Variants in FIG4 observed in about 807,000 individuals in gnomAD.
The protein encoded by FIG4 is polyphosphoinositide phosphatase.
Under a neutral mutation model 118.6 loss-of-function variants are expected in FIG4, and 112 were observed. The ratio of observed to expected loss-of-function variants is 0.94; its 90% CI spans 0.81 to 1.11. The LOEUF (loss-of-function observed/expected upper bound fraction) is 1.11. Ranked by LOEUF, FIG4 falls within the 50% of genes least tolerant of loss-of-function variation. FIG4 has a pLI of 0.00. For synonymous variants in FIG4, 369 were observed against 381.2 expected, an observed-to-expected ratio of 0.97 and a Z score of 0.37; for missense variants, 969 against 1,111.7, an observed-to-expected ratio of 0.87 and a Z score of 1.83.
chr6:109,795,864 G>A (rs1778272707), intron 21 of FIG4, among the ~76,000 whole-genome samples: 1 of 152,126 alleles, frequency 6.6e-6, no homozygotes, highest in Admixed American at 6.5e-5. Flanking sequence ...GCCTCCCAAA[G>A]TGCTGGGATT....
intron 5 of FIG4, among the ~76,000 whole-genome samples, chr6:109,733,085 A>C (rs1776055928): frequency 1.3e-5 from 2 of 152,174 alleles, no homozygotes; most frequent in African/African-American, 4.8e-5. Context: ...AATAGGAAGA[A>C]CTGTTGCAAT....
Position 109,786,158 on chromosome 6 carries a change from T to C in FIG4, c.1949-144T>C. 7.6e-6 allele frequency: 5 copies of C among 661,550 alleles called. No individual in the cohort carries two copies. The South Asian group carries it at 8.9e-5, about 12-fold the overall frequency. The allele number at this position is 661,550 out of a possible 1,614,324, so 41.0% of individuals were successfully genotyped here. A position where few individuals can be genotyped will look rare whatever the true frequency, so the allele number is the denominator to read the frequency against. The stretch of plus-strand genomic sequence containing the variant: ...CATCTCCTTTCTAACTGTGTAAGTG[T>C]TGGAGGCAGGAGCTTACCCTCGGTC... On this transcript the variant is annotated intron_variant, in intron 17 of 22. Coordinates refer to ENST00000230124, the MANE Select transcript of FIG4 (RefSeq NM_014845.6).
intron 3 of FIG4, among the ~76,000 whole-genome samples, chr6:109,720,623 C>T (rs1172542704): frequency 6.6e-6 from 1 of 152,200 alleles, no homozygotes; most frequent in Non-Finnish European, 1.5e-5. Context: ...AGTCTATGCC[C>T]TGTGTGAGGG....
chr6:109,717,588 A>G (rs531530596), intron 3 of FIG4, among the ~76,000 whole-genome samples: 43 of 152,326 alleles, frequency 2.8e-4, no homozygotes, highest in Admixed American at 6.5e-4. Flanking sequence ...GTCACAGAAG[A>G]GGTAAATTAC....
chr6:109,749,055 C>CTGTGTGTGTGTGTGTGTGTG (rs113357544), intron 10 of FIG4, among the ~76,000 whole-genome samples: 33 of 132,482 alleles, frequency 2.5e-4, no homozygotes, highest in South Asian at 1.4e-3. Context: ...CAAAGGAGCT[C>CTGTGTGTGTGTGTGTGTGTG]TGTGTGTGTG....
chr6:109,727,719 G>A (rs992870632), intron 4 of FIG4, among the ~76,000 whole-genome samples: 4 of 151,958 alleles, frequency 2.6e-5, no homozygotes, highest in Admixed American at 6.6e-5. Context: ...ATAATGAGAC[G>A]AAACTGACAT....
Position 109,691,575 on chromosome 6 carries a change from A to C in FIG4, c.66+74A>C, listed in dbSNP as rs371338038. On this transcript the variant is annotated intron_variant, in intron 1 of 22. Coordinates refer to ENST00000230124, the MANE Select transcript of FIG4 (RefSeq NM_014845.6). Reference sequence around the variant, plus strand: ...CGGTGGGTGTGGGGCCGTAGGACAGAGGCTGTACTCTGCCTCCTCCTCCTT... The same window carrying C: ...CGGTGGGTGTGGGGCCGTAGGACAGCGGCTGTACTCTGCCTCCTCCTCCTT... The C allele has an allele frequency of 4.0e-5, 51 of 1,280,072 alleles. No individual in the cohort carries two copies. In the African/African-American group the frequency reaches 6.6e-4, roughly 17 times the overall value. The allele number at this position is 1,280,072 out of a possible 1,614,324, so 79.3% of individuals were successfully genotyped here.
At chr6:109,775,689 C>T (rs1777598168) in intron 15 of FIG4, among the ~76,000 whole-genome samples, 1 of 151,850 alleles carries the variant, frequency 6.6e-6, no homozygotes, top group Admixed American at 6.6e-5. Context: ...TTTCTCTCAA[C>T]AAGTGCAAAG....
chr6:109,824,440 G>A (rs1260026716), intron 22 of FIG4, among the ~76,000 whole-genome samples: 2 of 152,172 alleles, frequency 1.3e-5, no homozygotes, highest in Non-Finnish European at 2.9e-5. Context: ...ATTAGGATGT[G>A]CCACAAAATG....
rs1198712291 is a variant in FIG4, at chr6:109,707,442, T to TATATATACAC, written c.67-7618_67-7609dup. Among the ~76,000 whole-genome samples, 860 of 148,854 alleles carry TATATATACAC rather than the reference T, an allele frequency of 5.8e-3. 8 individuals are homozygous for TATATATACAC. Among genetic ancestry groups the TATATATACAC allele is most frequent in the Non-Finnish European group, 8.3e-3 (559 of 67,378 alleles). On this transcript the variant is annotated intron_variant, in intron 1 of 22. Coordinates refer to ENST00000230124, the MANE Select transcript of FIG4 (RefSeq NM_014845.6). ...CTATACATATATACATATATATACA[T>TATATATACAC]ATATATACACATATATACACATATA...
chr6:109,691,573 A>G (rs1425763104), intron 1 of FIG4, 72 bp downstream of exon 1: 1 of 1,321,458 alleles, frequency 7.6e-7, no homozygotes, highest in Admixed American at 2.0e-5. Flanking sequence ...GCCGTAGGAC[A>G]GAGGCTGTAC....
At chr6:109,759,935 C>G (rs1210527078) in intron 10 of FIG4, among the ~76,000 whole-genome samples, 1 of 152,190 alleles carries the variant, frequency 6.6e-6, no homozygotes, top group East Asian at 1.9e-4. Flanking sequence ...GGGATCTCCT[C>G]TGTCAGAGTC....
chr6:109,722,823 G>C (rs1464620506), intron 3 of FIG4, among the ~76,000 whole-genome samples: 2 of 152,084 alleles, frequency 1.3e-5, no homozygotes, highest in African/African-American at 4.8e-5. Context: ...AAGGAGCCCA[G>C]ACCTTAGCCA....
intron 16 of FIG4, among the ~76,000 whole-genome samples, chr6:109,781,696 G>T (rs1028814078): frequency 2.0e-5 from 3 of 149,348 alleles, no homozygotes; most frequent in Admixed American, 6.8e-5. Context: ...TGTCATGTTC[G>T]TATATGCTTT....
intron 15 of FIG4, among the ~76,000 whole-genome samples, chr6:109,768,869 G>A (rs1777362620): frequency 6.6e-6 from 1 of 152,098 alleles, no homozygotes; most frequent in South Asian, 2.1e-4. Context: ...CAATAGAAAT[G>A]TATTTTCTTG....
At chr6:109,758,063 C>A (rs956081148) in intron 10 of FIG4, among the ~76,000 whole-genome samples, 1 of 152,124 alleles carries the variant, frequency 6.6e-6, no homozygotes. Context: ...TCAGTGCTAT[C>A]CCCATCAAGC....
intron 1 of FIG4, 131 bp from the exon 2 acceptor site, chr6:109,714,947 C>T: frequency 3.4e-6 from 2 of 596,350 alleles, no homozygotes; most frequent in Non-Finnish European, 6.0e-6. Flanking sequence ...GCCAGTTATA[C>T]ATAACAGAAA....
At chr6:109,732,900 A>G (rs1776049696) in intron 5 of FIG4, among the ~76,000 whole-genome samples, 1 of 152,154 alleles carries the variant, frequency 6.6e-6, no homozygotes, top group Non-Finnish European at 1.5e-5. Context: ...TATTCACATT[A>G]TAAAAATCAT....
chr6:109,733,492 T>C (rs1266822493), intron 5 of FIG4, among the ~76,000 whole-genome samples: 1 of 152,210 alleles, frequency 6.6e-6, no homozygotes, highest in East Asian at 1.9e-4. Context: ...CTAGAGCATT[T>C]GTAGCTGTTG....
Sources: gnomAD v4.1 joint callset for allele counts (sites outside exome capture counted in the v4.1 genomes callset) on GRCh38, gnomAD v4.1.1 for gene constraint, MANE v1.5 for transcripts, NCBI Gene and HGNC (gene_info 2026-07-23, HGNC 2026-07-21) for gene names.